The following CTNNA3 variants were observed in gnomAD, a reference collection of about 807,000 sequenced individuals.
CTNNA3 encodes the protein catenin alpha 3, also known as catenin alpha-3.
In CTNNA3, 76 loss-of-function variants were observed where a neutral mutation model predicts 95.7. The observed-to-expected ratio is 0.79, with a 90% CI of 0.66 to 0.96. The LOEUF is 0.96. Ranked by LOEUF, CTNNA3 falls within the 40% of genes least tolerant of loss-of-function variation. CTNNA3 has a pLI of 0.00. For synonymous variants in CTNNA3, 431 were observed against 374.4 expected (o/e 1.15, Z -1.74); for missense variants, 1,191 against 1,089.8 (o/e 1.09, Z -1.31).
At chr10:66,845,709 A>AAAAAAAAAAAC (rs1843229943) in intron 7 of CTNNA3, among the ~76,000 whole-genome samples, 1 of 88,182 alleles carries the variant, frequency 1.1e-5, no homozygotes, top group Admixed American at 1.8e-4. Flanking sequence ...GTCTCAAAAA[A>AAAAAAAAAAAC]AAAAAAAAAA....
intron 5 of CTNNA3, among the ~76,000 whole-genome samples, chr10:67,434,319 T>C (rs1313989095): frequency 6.6e-6 from 1 of 151,986 alleles, no homozygotes; most frequent in Admixed American, 6.6e-5. Flanking sequence ...AGGTTGTCAT[T>C]AGTACTAAAT....
chr10:67,095,041 ATATAT>A (rs903724828), intron 7 of CTNNA3, among the ~76,000 whole-genome samples: 2 of 120,242 alleles, frequency 1.7e-5, no homozygotes, highest in Non-Finnish European at 3.3e-5. Flanking sequence ...ATATATGTTT[ATATAT>A]TATATATGTA....
chr10:67,497,766 G>A (rs1370348358), intron 5 of CTNNA3, among the ~76,000 whole-genome samples: 1 of 151,968 alleles, frequency 6.6e-6, no homozygotes, highest in East Asian at 1.9e-4. Context: ...CTTCACCCAC[G>A]TTTTGATGGG....
chr10:67,423,807 G>A (rs1845826045), intron 5 of CTNNA3, among the ~76,000 whole-genome samples: 1 of 152,116 alleles, frequency 6.6e-6, no homozygotes, highest in Non-Finnish European at 1.5e-5. Flanking sequence ...GGCACATAGT[G>A]TGCTCAATCA....
intron 11 of CTNNA3, among the ~76,000 whole-genome samples, chr10:66,497,835 G>A (rs1840149497): frequency 6.6e-6 from 1 of 152,026 alleles, no homozygotes; most frequent in Admixed American, 6.6e-5. Flanking sequence ...ACATTTTTCA[G>A]AAGAAATAAA....
chr10:67,671,524 A>C, intron 1 of CTNNA3, among the ~76,000 whole-genome samples: 1 of 141,560 alleles, frequency 7.1e-6, no homozygotes, highest in African/African-American at 3.0e-5. Context: ...CCCACCCCAC[A>C]ACAGTCCCTG....
intron 2 of CTNNA3, among the ~76,000 whole-genome samples, chr10:67,638,621 T>C (rs192844816): frequency 9.2e-5 from 14 of 152,286 alleles, no homozygotes; most frequent in African/African-American, 2.6e-4. Flanking sequence ...AAAGCACTCC[T>C]CAGCAAATGT....
intron 7 of CTNNA3, among the ~76,000 whole-genome samples, chr10:66,945,309 C>T (rs117606296): frequency 2.0e-5 from 3 of 152,326 alleles, no homozygotes; most frequent in African/African-American, 4.8e-5. Flanking sequence ...CCACTTCAAG[C>T]GTTGTGCTGT....
At chr10:66,008,770 C>T (rs1365782141) in intron 15 of CTNNA3, among the ~76,000 whole-genome samples, 1 of 152,040 alleles carries the variant, frequency 6.6e-6, no homozygotes, top group African/African-American at 2.4e-5. Flanking sequence ...GCAATATTCC[C>T]TCAGGAGAAA....
intron 5 of CTNNA3, among the ~76,000 whole-genome samples, chr10:67,232,916 G>A (rs1382297541): frequency 6.6e-6 from 1 of 152,094 alleles, no homozygotes; most frequent in Non-Finnish European, 1.5e-5. Flanking sequence ...GACAAAGAAG[G>A]CCATTACATA....
chr10:66,499,565 G>A (rs1479829529), intron 11 of CTNNA3, among the ~76,000 whole-genome samples: 1 of 152,122 alleles, frequency 6.6e-6, no homozygotes, highest in Non-Finnish European at 1.5e-5. Context: ...TGGGACGACA[G>A]GGAAAATCAA....
intron 7 of CTNNA3, among the ~76,000 whole-genome samples, chr10:66,845,752 C>A (rs199700438): frequency 1.9e-5 from 1 of 53,428 alleles, no homozygotes; most frequent in Non-Finnish European, 3.5e-5. Flanking sequence ...GATATATATA[C>A]ATACACACAC....
intron 7 of CTNNA3, among the ~76,000 whole-genome samples, chr10:66,816,319 T>C (rs12218365): frequency 0.18 from 27,940 of 152,058 alleles, 3,180 homozygotes; most frequent in East Asian, 0.41. Flanking sequence ...ATCAAATTGG[T>C]AGACGTATAT....
At chr10:66,431,285 T>A in intron 11 of CTNNA3, among the ~76,000 whole-genome samples, 1 of 152,170 alleles carries the variant, frequency 6.6e-6, no homozygotes, top group Non-Finnish European at 1.5e-5. Flanking sequence ...GGAACACTTT[T>A]ATACTGTTGG....
chr10:66,574,329 C>A (rs983479000), intron 10 of CTNNA3, among the ~76,000 whole-genome samples: 3 of 151,920 alleles, frequency 2.0e-5, no homozygotes, highest in African/African-American at 7.3e-5. Context: ...GTTCAATTAT[C>A]ACCGAAAAAT....
chr10:66,536,200 A>T (rs1320465210), intron 10 of CTNNA3, among the ~76,000 whole-genome samples: 6 of 151,852 alleles, frequency 4.0e-5, no homozygotes. Flanking sequence ...AAATTAAAAA[A>T]GGTAATCCTT....
chr10:67,702,405 T>A lies in CTNNA3; in HGVS notation c.-1-54891A>T, dbSNP rs552421685. Among the ~76,000 whole-genome samples, 1,402 of 152,116 alleles carry A rather than the reference T, an allele frequency of 9.2e-3. 20 individuals are homozygous for A. The highest frequency in any genetic ancestry group is 0.032 in the African/African-American group (1,344 of 41,488). On this transcript the variant is annotated intron_variant, in intron 1 of 17. Coordinates refer to the CTNNA3 transcript ENST00000684154. Reference sequence around the variant, plus strand: ...AGCTCTCCTCAGCAAATGTAAAAGATCAGACATTATAACAAACTGTCTCTC... The same window carrying A: ...AGCTCTCCTCAGCAAATGTAAAAGAACAGACATTATAACAAACTGTCTCTC...
intron 5 of CTNNA3, among the ~76,000 whole-genome samples, chr10:67,397,517 T>A (rs1271218655): frequency 6.6e-6 from 1 of 152,086 alleles, no homozygotes; most frequent in African/African-American, 2.4e-5. Flanking sequence ...AAGCAGAGCA[T>A]AAAAGTTCGG....
intron 7 of CTNNA3, among the ~76,000 whole-genome samples, chr10:66,806,324 T>C (rs536766425): frequency 6.7e-6 from 1 of 149,422 alleles, no homozygotes; most frequent in South Asian, 2.1e-4. Flanking sequence ...GCAAAAATCC[T>C]AAGAGGTAGT....
Sources: gnomAD v4.1 joint callset for allele counts (sites outside exome capture counted in the v4.1 genomes callset) on GRCh38, gnomAD v4.1.1 for gene constraint, MANE v1.5 for transcripts, NCBI Gene and HGNC (gene_info 2026-07-23, HGNC 2026-07-21) for gene names.